PCDHA5: variants seen among roughly 807,000 people sequenced by gnomAD.
The protein encoded by PCDHA5 is protocadherin alpha-5.
Under a neutral mutation model 61.6 loss-of-function variants are expected in PCDHA5, and 43 were observed. That is an observed-to-expected ratio of 0.70 (90% CI 0.55 to 0.90). The LOEUF (loss-of-function observed/expected upper bound fraction) is 0.90. Ranked by LOEUF, PCDHA5 falls within the 40% of genes least tolerant of loss-of-function variation. PCDHA5 has a pLI of 0.00. For synonymous variants in PCDHA5, 627 were observed against 543.9 expected (o/e 1.15, Z -2.13); for missense variants, 1,298 against 1,222.7 (o/e 1.06, Z -0.92).
intron 1 of PCDHA5, among the ~76,000 whole-genome samples, chr5:140,873,728 T>C (rs1208346643): frequency 6.6e-6 from 1 of 152,190 alleles, no homozygotes; most frequent in African/African-American, 2.4e-5. Flanking sequence ...TGGCGCAATC[T>C]CAGCTCACTG....
chr5:141,009,339 G>A (rs1328874922), intron 3 of PCDHA5, among the ~76,000 whole-genome samples: 13 of 152,168 alleles, frequency 8.5e-5, no homozygotes, highest in African/African-American at 3.1e-4. Context: ...TGTGCCTGTA[G>A]TTCCAGCTAC....
intron 1 of PCDHA5, among the ~76,000 whole-genome samples, chr5:140,833,509 G>A (rs2150209186): frequency 1.1e-3 from 173 of 152,196 alleles, no homozygotes; most frequent in African/African-American, 4.1e-3. Context: ...GTAAAAATAG[G>A]CATATATTCA....
intron 1 of PCDHA5, chr5:140,836,350 A>T (rs1454301862): frequency 3.1e-6 from 5 of 1,613,518 alleles, no homozygotes; most frequent in Non-Finnish European, 4.2e-6. Flanking sequence ...GACCACGGGG[A>T]GCCCTCGCTG....
chr5:140,909,684 G>A (rs2074634664), intron 1 of PCDHA5, among the ~76,000 whole-genome samples: 1 of 152,220 alleles, frequency 6.6e-6, no homozygotes, highest in Non-Finnish European at 1.5e-5. Context: ...GGGAGCCAAT[G>A]TGGGGGTTCT....
intron 1 of PCDHA5, chr5:140,966,488 C>T: frequency 2.3e-6 from 1 of 440,248 alleles, no homozygotes; most frequent in Non-Finnish European, 3.9e-6. Flanking sequence ...TTTCCCTCCC[C>T]CTGGAGCTGT....
At chr5:140,991,640 T>C (rs1315335320) in intron 3 of PCDHA5, among the ~76,000 whole-genome samples, 1 of 152,194 alleles carries the variant, frequency 6.6e-6, no homozygotes, top group Non-Finnish European at 1.5e-5. Flanking sequence ...AACAATCTGT[T>C]CATGACAATT....
Position 140,821,891 on chromosome 5 carries a change from A to T in PCDHA5, c.116A>T (p.Lys39Ile), listed in dbSNP as rs2150111674. ...QLHYSIPEEA[K>I]HGTFVGRIAQ... is the part of the protein sequence containing the mutation. ...CACTACTCGATCCCGGAGGAAGCCA[A>T]ACACGGAACCTTCGTTGGCCGCATC... The change falls in exon 1 of 4, where the codon AAA (lysine) becomes ATA (isoleucine). Residue 39 changes from lysine to isoleucine, a missense_variant. By Grantham distance (102) the Lys-to-Ile change is moderately radical. Transcript: ENST00000529859. The T allele has an allele frequency of 6.2e-7, 1 of 1,614,232 alleles. No individual in the cohort carries two copies. Among genetic ancestry groups the T allele is most frequent in the African/African-American group, 1.3e-5 (1 of 75,068 alleles).
At chr5:140,882,538 C>T (rs782086663) in intron 1 of PCDHA5, 2 of 1,614,170 alleles carry the variant, frequency 1.2e-6, no homozygotes, top group Non-Finnish European at 1.7e-6. Flanking sequence ...ATTCTCGGAT[C>T]GACCGCGAGG....
At chr5:140,882,252 G>A in intron 1 of PCDHA5, 1 of 1,597,600 alleles carries the variant, frequency 6.3e-7, no homozygotes, top group Non-Finnish European at 8.5e-7. Context: ...ATAGCTCTGA[G>A]GTTTTTGGAG....
chr5:140,855,892 G>A, intron 1 of PCDHA5: 3 of 1,011,396 alleles, frequency 3.0e-6, no homozygotes, highest in Non-Finnish European at 4.3e-6. Context: ...TAGAACAAAG[G>A]CATCAGCCAG....
intron 1 of PCDHA5, among the ~76,000 whole-genome samples, chr5:140,914,941 T>C (rs1554196635): frequency 6.9e-6 from 1 of 145,614 alleles, no homozygotes; most frequent in Non-Finnish European, 1.5e-5. Flanking sequence ...TGTGAAAAGT[T>C]GTCTTTTTTT....
intron 1 of PCDHA5, chr5:140,967,162 C>T (rs782524334): frequency 1.9e-6 from 3 of 1,610,776 alleles, no homozygotes; most frequent in Non-Finnish European, 2.5e-6. Context: ...TGGCGGTGAG[C>T]GCCGTTGAGG....
chr5:140,925,685 G>T (rs1584406507), intron 1 of PCDHA5, among the ~76,000 whole-genome samples: 1 of 137,694 alleles, frequency 7.3e-6, no homozygotes, highest in South Asian at 2.3e-4. Flanking sequence ...ATAAAGCGAG[G>T]GTGGGTATCT....
At chr5:140,833,769 G>A (rs2150211252) in intron 1 of PCDHA5, among the ~76,000 whole-genome samples, 5,218 of 144,902 alleles carry the variant, frequency 0.036, 318 homozygotes, top group African/African-American at 0.13. Context: ...CACACACACC[G>A]CTTTCTAAGT....
chr5:140,950,523 T>C (rs1289314937), intron 1 of PCDHA5, among the ~76,000 whole-genome samples: 2 of 152,094 alleles, frequency 1.3e-5, no homozygotes, highest in African/African-American at 4.8e-5. Flanking sequence ...TGCGATATGA[T>C]TGTTTTTGTT....
rs2042221712 is a variant in PCDHA5 at position 140,852,026 on chromosome 5, C to T, written c.2352+27899C>T. The T allele has an allele frequency of 3.2e-6, 3 of 945,562 alleles. 1 individual carries two copies. Among genetic ancestry groups the T allele is most frequent in the Non-Finnish European group, 1.3e-6 (1 of 780,832 alleles). The allele number at this position is 945,562 out of a possible 1,614,324, so 58.6% of individuals were successfully genotyped here. On this transcript the variant is annotated intron_variant, in intron 1 of 3. Transcript: ENST00000529859. ...CTAATTTATAGTTTTAAAAACTTCG[C>T]TTATTGAGTTTTTGTTATGTGGTTT...
At chr5:140,945,673 A>G (rs192775886) in intron 1 of PCDHA5, among the ~76,000 whole-genome samples, 137 of 152,272 alleles carry the variant, frequency 9.0e-4, no homozygotes, top group Middle Eastern at 3.4e-3. Context: ...CCAGAAATAA[A>G]TCCACACAGT....
At chr5:140,885,050 C>T (rs1183142093) in intron 1 of PCDHA5, among the ~76,000 whole-genome samples, 3 of 152,164 alleles carry the variant, frequency 2.0e-5, no homozygotes, top group African/African-American at 7.2e-5. Context: ...TTAATGTATA[C>T]ATATACCCAC....
chr5:140,976,982 T>G (rs1348911349), intron 1 of PCDHA5, among the ~76,000 whole-genome samples: 1 of 152,240 alleles, frequency 6.6e-6, no homozygotes, highest in African/African-American at 2.4e-5. Flanking sequence ...CTGCCTGATC[T>G]TACTGCCATA....
Sources: allele counts gnomAD v4.1 joint callset (sites outside exome capture counted in the v4.1 genomes callset), GRCh38; gene constraint gnomAD v4.1.1; transcripts MANE v1.5; gene names NCBI Gene and HGNC (gene_info 2026-07-23, HGNC 2026-07-21).